METTL22: variants seen among roughly 807,000 people sequenced by gnomAD.
The protein encoded by METTL22 is methyltransferase-like protein 22.
Under a neutral mutation model 48.4 loss-of-function variants are expected in METTL22, and 51 were observed. The observed-to-expected ratio is 1.05, with a 90% CI of 0.84 to 1.33. METTL22 has a LOEUF of 1.33. Ranked by LOEUF, METTL22 falls within the 40% of genes most tolerant of loss-of-function variation. METTL22 has a pLI of 0.00. For synonymous variants in METTL22, 255 were observed against 214.1 expected, an observed-to-expected ratio of 1.19 and a Z score of -1.67; for missense variants, 678 against 526.9, an observed-to-expected ratio of 1.29 and a Z score of -2.81.
chr16:8,634,942 C>G (rs2141743184), intron 3 of METTL22, 97 bp from the exon 4 acceptor site: 1 of 1,518,954 alleles, frequency 6.6e-7, no homozygotes, highest in African/African-American at 1.4e-5. Context: ...TGACGCCCAT[C>G]TGACCGTGCT....
At chr16:8,652,612 G>GT (rs1233568139), downstream of METTL22, among the ~76,000 whole-genome samples, 1 of 151,888 alleles carries the variant, frequency 6.6e-6, no homozygotes, top group Non-Finnish European at 1.5e-5. Flanking sequence ...TGAGCCAGGA[G>GT]TTTGAGACCA....
chr16:8,660,964 G>A, the METTL22 span, among the ~76,000 whole-genome samples: 57 of 151,932 alleles, frequency 3.8e-4, no homozygotes, highest in Middle Eastern at 3.4e-3. Context: ...CCAGGGATCC[G>A]GACTCTGGCC....
chr16:8,625,185 T>G (rs2056003046), intron 1 of METTL22, among the ~76,000 whole-genome samples: 1 of 152,148 alleles, frequency 6.6e-6, no homozygotes, highest in Non-Finnish European at 1.5e-5. Context: ...CAAAATGTCA[T>G]GATGTCTACA....
chr16:8,653,805 C>T (rs147415428), downstream of METTL22, among the ~76,000 whole-genome samples: 3 of 152,242 alleles, frequency 2.0e-5, no homozygotes, highest in African/African-American at 7.2e-5. Flanking sequence ...GCTACTGAAA[C>T]GTTTCAGTAG....
At position 8,625,278 on chromosome 16, in the gene METTL22, A is replaced by G. The variant is rs74709297; in HGVS notation, c.-170-218A>G. On this transcript the variant is annotated intron_variant, in intron 1 of 10. Coordinates refer to ENST00000381920, the MANE Select transcript of METTL22 (RefSeq NM_024109.4). ...GTGAGGATCATTGAATCTAAGCAGT[A>G]GTTCTACGGTTATGATATTCCCCTG... is the stretch of plus-strand genomic sequence containing the variant. Among the ~76,000 whole-genome samples, 307 of 152,252 alleles carry G rather than the reference A, an allele frequency of 2.0e-3. 1 individual carries two copies. The highest frequency in any genetic ancestry group is 7.2e-3 in the African/African-American group (299 of 41,542).
Position 8,647,513 on chromosome 16 carries a change from TG to T in METTL22, c.*1372del, listed in dbSNP as rs2056825631. The T allele has an allele frequency of 6.6e-6, 1 of 152,196 alleles. No homozygotes were observed. The highest frequency in any genetic ancestry group is 1.5e-5 in the Non-Finnish European group (1 of 68,050). The allele number at this position is 152,196 out of a possible 1,614,324, so 9.4% of individuals were successfully genotyped here. ...TGGCAGTGCCTGGAGACATTTTCGG[TG>T]GTCACAAGTAGGGGAGACGGGTGCC... On this transcript the variant is annotated 3_prime_UTR_variant, in exon 11 of 11. Coordinates refer to ENST00000381920, the MANE Select transcript of METTL22 (RefSeq NM_024109.4).
intron 1 of METTL22, among the ~76,000 whole-genome samples, chr16:8,622,062 C>T (rs1366670796): frequency 6.6e-6 from 1 of 152,186 alleles, no homozygotes; most frequent in Non-Finnish European, 1.5e-5. Context: ...ATAGTTAACC[C>T]ACAAGGGTGG....
At chr16:8,625,840 T>A in intron 2 of METTL22, 42 bp downstream of exon 2, 1 of 1,608,998 alleles carries the variant, frequency 6.2e-7, no homozygotes, top group Non-Finnish European at 8.5e-7. Context: ...CCTATTTTGT[T>A]TTCTGCTTTC....
At chr16:8,662,372 A>G in the METTL22 span, among the ~76,000 whole-genome samples, 1 of 145,292 alleles carries the variant, frequency 6.9e-6, no homozygotes, top group Non-Finnish European at 1.5e-5. Flanking sequence ...GGAATCCAGG[A>G]GCCTTGTGGA....
intron 9 of METTL22, chr16:8,644,299 G>T (rs1327238449): frequency 3.4e-6 from 1 of 291,868 alleles, no homozygotes; most frequent in African/African-American, 2.2e-5. Flanking sequence ...CTTTCCAGCA[G>T]TGTCATTGTG....
chr16:8,663,893 T>C, the METTL22 span, among the ~76,000 whole-genome samples: 1 of 152,074 alleles, frequency 6.6e-6, no homozygotes, highest in African/African-American at 2.4e-5. Context: ...GACTGTCCTA[T>C]GCATTGTAGA....
In METTL22 at chr16:8,625,579, C is replaced by T; in HGVS notation, c.-87C>T. On this transcript the variant is annotated 5_prime_UTR_variant, in exon 2 of 11. It introduces an in-frame stop codon into an upstream open reading frame of the 5' UTR. Transcript: ENST00000381920. Reference sequence around the variant, plus strand: ...CTCGCTACCAGCTTGGACCTGTCTGCAGTATCTCCTCTGGGACCTGCCATG... The same window carrying T: ...CTCGCTACCAGCTTGGACCTGTCTGTAGTATCTCCTCTGGGACCTGCCATG... The T allele has an allele frequency of 2.9e-6, 4 of 1,399,978 alleles. No homozygotes were observed. The highest frequency in any genetic ancestry group is 3.9e-6 in the Non-Finnish European group (4 of 1,018,322). 86.7% of individuals were successfully genotyped at this position (1,399,978 alleles called of 1,614,324 possible).
intron 5 of METTL22, among the ~76,000 whole-genome samples, chr16:8,635,981 A>ATT (rs2056410826): frequency 6.6e-6 from 1 of 152,188 alleles, no homozygotes; most frequent in Non-Finnish European, 1.5e-5. Context: ...ATATGTATAT[A>ATT]TTTAGGGGGT....
rs35438780 is a variant in METTL22, at chr16:8,625,791, G to A, written c.126G>A (p.Gly42=). Residue 42 remains glycine, a synonymous_variant, in exon 2 of 11, where the codon GGG becomes GGA. Transcript: ENST00000381920. ...RHLMVRLNSV[G]QPVFLSQFKL... ...TCATGGTACGGCTGAACAGCGTGGG[G>A]CAGCCAGGTAAGGTCCTGGGCCCAG... 5.7e-4 allele frequency: 919 copies of A among 1,614,128 alleles called. 11 individuals carry two copies. The African/African-American group carries it at 0.011, about 19-fold the overall frequency.
At chr16:8,663,895 C>T in the METTL22 span, among the ~76,000 whole-genome samples, 1 of 152,044 alleles carries the variant, frequency 6.6e-6, no homozygotes, top group East Asian at 1.9e-4. Flanking sequence ...CTGTCCTATG[C>T]ATTGTAGAGC....
At chr16:8,652,924 C>T (rs575846306), downstream of METTL22, among the ~76,000 whole-genome samples, 5 of 152,282 alleles carry the variant, frequency 3.3e-5, no homozygotes, top group Admixed American at 6.5e-5. Context: ...GTCTTCCCAA[C>T]GGGATGATGA....
chr16:8,622,052 A>G (rs1285117277), intron 1 of METTL22, among the ~76,000 whole-genome samples: 4 of 152,190 alleles, frequency 2.6e-5, no homozygotes, highest in African/African-American at 7.2e-5. Context: ...TGAGAGGGCA[A>G]TAGTTAACCC....
intron 1 of METTL22, among the ~76,000 whole-genome samples, chr16:8,623,102 T>C (rs2055910769): frequency 1.3e-5 from 2 of 151,956 alleles, no homozygotes; most frequent in African/African-American, 4.8e-5. Flanking sequence ...TCTACCTTGG[T>C]CAGGAGTTCA....
chr16:8,625,368 T>C (rs1391413470), intron 1 of METTL22, 128 bp from the exon 2 acceptor site: 1 of 206,602 alleles, frequency 4.8e-6, no homozygotes, highest in East Asian at 1.1e-4. Flanking sequence ...ACTTTATAAA[T>C]GGAAATTCAT....
Sources: allele counts gnomAD v4.1 joint callset (sites outside exome capture counted in the v4.1 genomes callset), GRCh38; gene constraint gnomAD v4.1.1; transcripts MANE v1.5; gene names NCBI Gene and HGNC (gene_info 2026-07-23, HGNC 2026-07-21).